Variants in BPI observed in about 807,000 individuals in gnomAD.
BPI encodes the protein bactericidal permeability increasing protein.
Under a neutral mutation model 57.6 loss-of-function variants are expected in BPI, and 48 were observed. The observed-to-expected ratio is 0.83, with a 90% CI of 0.66 to 1.06. The LOEUF is 1.06. BPI is among the 50% of genes least tolerant of loss of function. BPI has a pLI of 0.00. For missense variants in BPI, 651 were observed against 609.7 expected, an observed-to-expected ratio of 1.07 and a Z score of -0.71; for synonymous variants, 237 against 238.2, an observed-to-expected ratio of 0.99 and a Z score of 0.05.
chr20:38,322,501 A>T (rs2076691538), intron 7 of BPI, among the ~76,000 whole-genome samples: 1 of 152,246 alleles, frequency 6.6e-6, no homozygotes. Flanking sequence ...AAGAAAATCC[A>T]TCTAGATTTT....
intron 5 of BPI, among the ~76,000 whole-genome samples, chr20:38,313,210 C>A (rs1335048881): frequency 6.6e-6 from 1 of 151,992 alleles, no homozygotes; most frequent in African/African-American, 2.4e-5. Context: ...ATGGAGAAAT[C>A]CTGTCTTTAC....
At chr20:38,321,734 G>A (rs1256184609) in intron 7 of BPI, 4 of 152,146 alleles carry the variant, frequency 2.6e-5, no homozygotes, top group Non-Finnish European at 5.9e-5. Context: ...AAAAAAAAGA[G>A]AGAGAGAGAG....
Position 38,307,549 on chromosome 20 carries a change from C to T in BPI, c.131-18C>T. 1 of 1,585,602 alleles carries T rather than the reference C, an allele frequency of 6.3e-7. No individual in the cohort carries two copies. Among genetic ancestry groups the T allele is most frequent in the Non-Finnish European group, 8.6e-7 (1 of 1,163,468 alleles). On this transcript the variant is annotated intron_variant, in intron 1 of 14. Coordinates refer to ENST00000642449, the MANE Select transcript of BPI (RefSeq NM_001725.3). Reference sequence around the variant, plus strand: ...CCAGGCTGTGCCTCTCACTGTCACCCCTGCCTTCTCCCTTCAGCCAGCCAG... The same window carrying T: ...CCAGGCTGTGCCTCTCACTGTCACCTCTGCCTTCTCCCTTCAGCCAGCCAG...
intron 1 of BPI, 104 bp downstream of exon 1, chr20:38,304,457 C>A: frequency 6.9e-7 from 1 of 1,452,660 alleles, no homozygotes; most frequent in Non-Finnish European, 9.2e-7. Flanking sequence ...ACTCATAGCA[C>A]CTCAGGGCAG....
intron 13 of BPI, chr20:38,335,378 C>T (rs1225970809): frequency 5.1e-6 from 3 of 586,298 alleles, no homozygotes; most frequent in African/African-American, 3.7e-5. Context: ...GGATGGAGTC[C>T]ACGCAGGTGC....
At chr20:38,331,212 T>G in intron 12 of BPI, 122 bp downstream of exon 12, 1 of 1,241,628 alleles carries the variant, frequency 8.1e-7, no homozygotes, top group Non-Finnish European at 1.2e-6. Flanking sequence ...AATTTGGTTG[T>G]GAATTAATAG....
Position 38,324,853 on chromosome 20 carries a change from C to A in BPI, c.993+20C>A. On this transcript the variant is annotated intron_variant, in intron 9 of 14. Transcript: ENST00000642449. ...CCTGAGGTATGGAAGACCTTGCTTT[C>A]CTTTAGTGAGCCCCGGGGGTTCTGG... is the stretch of plus-strand genomic sequence containing the variant. 6.3e-7 allele frequency: 1 copy of A among 1,597,768 alleles called. No homozygotes were observed. The highest frequency in any genetic ancestry group is 8.6e-7 in the Non-Finnish European group (1 of 1,165,188).
rs763647142 is a variant in BPI at position 38,310,622 on chromosome 20, TCCAC to T, written c.507_510del (p.His170CysfsTer11). On this transcript the variant is annotated frameshift_variant, in exon 4 of 15. Coordinates refer to ENST00000642449, the MANE Select transcript of BPI (RefSeq NM_001725.3). LOFTEE classifies it high-confidence loss of function. ...AGCTGCAGCAGCCACATCAACAGTG[TCCAC>T]GTGCACATCTCAAAGAGCAAAGTGG... 5.6e-6 allele frequency: 9 copies of T among 1,613,960 alleles called. No homozygotes were observed. In the South Asian group the frequency reaches 9.9e-5, roughly 18 times the overall value.
chr20:38,309,013 C>T lies in BPI; in HGVS notation c.329C>T (p.Ala110Val), dbSNP rs1479983428. ...GGCCTTAAGTTCTCCATCAGCAACGCCAATATCAAGATCAGCGGGAAATGG... is the reference window on the plus strand; with the variant it reads ...GGCCTTAAGTTCTCCATCAGCAACGTCAATATCAAGATCAGCGGGAAATGG... ...NVGLKFSISN[A>V]NIKISGKWKA... is the part of the protein sequence containing the mutation. The change falls in exon 3 of 15, where the codon GCC becomes GTC. Residue 110 changes from alanine to valine, a missense_variant. By Grantham distance (64) the Ala-to-Val change is moderately conservative. Transcript: ENST00000642449. The T allele has an allele frequency of 6.2e-7, 1 of 1,614,090 alleles. No individual in the cohort carries two copies. The highest frequency in any genetic ancestry group is 1.3e-5 in the African/African-American group (1 of 74,922).
rs764292427 is a variant in BPI, at chr20:38,337,236, T to C, written c.*52T>C. On this transcript the variant is annotated 3_prime_UTR_variant, in exon 15 of 15. Transcript: ENST00000642449. The stretch of plus-strand genomic sequence containing the variant: ...AGCCACACCTGTTCCTGATGGGCTG[T>C]GGGGCACCGGCTGCCTTTCCCCAGG... The C allele has an allele frequency of 6.7e-7, 1 of 1,489,802 alleles. No individual in the cohort carries two copies. Among genetic ancestry groups the C allele is most frequent in the Non-Finnish European group, 9.1e-7 (1 of 1,103,074 alleles). The allele number at this position is 1,489,802 out of a possible 1,614,324, so 92.3% of individuals were successfully genotyped here. A position where few individuals can be genotyped will look rare whatever the true frequency, so the allele number is the denominator to read the frequency against.
intron 4 of BPI, among the ~76,000 whole-genome samples, chr20:38,311,043 T>C (rs2076619618): frequency 6.6e-6 from 1 of 152,190 alleles, no homozygotes; most frequent in South Asian, 2.1e-4. Context: ...GAGTGACAAA[T>C]GAAAACTTAG....
chr20:38,316,861 A>G (rs1328783017), intron 5 of BPI, among the ~76,000 whole-genome samples: 1 of 152,196 alleles, frequency 6.6e-6, no homozygotes, highest in African/African-American at 2.4e-5. Flanking sequence ...CACAGGGGCC[A>G]TGGGGATGCC....
In BPI at chr20:38,317,503, C is replaced by A. The variant is rs987641823; in HGVS notation, c.601-910C>A. 1.7e-5 allele frequency: 10 copies of A among 591,612 alleles called. No homozygotes were observed. The Admixed American group carries it at 3.0e-4, about 17-fold the overall frequency. The allele number at this position is 591,612 out of a possible 1,614,324, so 36.6% of individuals were successfully genotyped here. On this transcript the variant is annotated intron_variant, in intron 5 of 14. Transcript: ENST00000642449. ...CTCAGCTCTGCTGGGACTATTGACC[C>A]AAGCCACTTCCATGGTCTCTCCACA... is the stretch of plus-strand genomic sequence containing the variant.
intron 11 of BPI, 119 bp from the exon 12 acceptor site, chr20:38,330,929 G>A (rs1170818539): frequency 1.7e-6 from 2 of 1,161,130 alleles, no homozygotes; most frequent in South Asian, 1.4e-5. Context: ...GAAGGGGAGT[G>A]GATACTGGGT....
Position 38,320,251 on chromosome 20 carries a change from G to C in BPI, c.733G>C (p.Glu245Gln). ...GGTGGCACCTCCAGCAACCACGGCTGAGACCCTGGATGTACAGATGAAGGT... is the reference window on the plus strand; with the variant it reads ...GGTGGCACCTCCAGCAACCACGGCTCAGACCCTGGATGTACAGATGAAGGT... The part of the protein sequence containing the change: ...GLVAPPATTA[E>Q]TLDVQMKGEF... Residue 245 changes from glutamate (E) to glutamine (Q), a missense_variant, in exon 7 of 15, where the codon GAG becomes CAG. Transcript: ENST00000642449. 1 of 1,614,032 alleles carries C rather than the reference G, an allele frequency of 6.2e-7. No individual in the cohort carries two copies. The highest frequency in any genetic ancestry group is 1.3e-5 in the African/African-American group (1 of 75,022).
At chr20:38,318,141 A>T in intron 5 of BPI, 1 of 814,958 alleles carries the variant, frequency 1.2e-6, no homozygotes, top group Non-Finnish European at 1.5e-6. Flanking sequence ...AAACCTTATA[A>T]AATAGAAAAC....
At chr20:38,323,844 G>A in intron 7 of BPI, 26 bp from the exon 8 acceptor site, 1 of 1,607,880 alleles carries the variant, frequency 6.2e-7, no homozygotes, top group African/African-American at 1.3e-5. Context: ...GAATATCTGG[G>A]CTCACTCTGT....
At chr20:38,320,125 C>T (rs1047003202) in intron 6 of BPI, 58 bp from the exon 7 acceptor site, 2 of 1,397,710 alleles carry the variant, frequency 1.4e-6, no homozygotes, top group African/African-American at 1.4e-5. Context: ...TCCTGCATTT[C>T]AGCTTCCAGC....
chr20:38,304,828 G>A (rs1005036046), intron 1 of BPI, among the ~76,000 whole-genome samples: 3 of 152,198 alleles, frequency 2.0e-5, no homozygotes, highest in African/African-American at 7.2e-5. Context: ...GACACAAAGA[G>A]GGTCCCCCCA....
Sources: allele counts gnomAD v4.1 joint callset (sites outside exome capture counted in the v4.1 genomes callset), GRCh38; gene constraint gnomAD v4.1.1; transcripts MANE v1.5; gene names NCBI Gene and HGNC (gene_info 2026-07-23, HGNC 2026-07-21).